The following CDKAL1 variants were observed in gnomAD, a reference collection of about 807,000 sequenced individuals.
CDKAL1 encodes the protein threonylcarbamoyladenosine tRNA methylthiotransferase.
A neutral mutation model predicts 68.2 loss-of-function variants in CDKAL1; 32 were observed. That is an observed-to-expected ratio of 0.47 (90% CI 0.35 to 0.63). The LOEUF is 0.63. Among genes scored for constraint, CDKAL1 ranks in the 30% least tolerant of loss-of-function variants. The probability of loss-of-function intolerance (pLI) is 0.00; values close to 1 mark genes in which losing one functional copy is unlikely to be tolerated. For synonymous variants in CDKAL1, 234 were observed against 244.3 expected (o/e 0.96, Z 0.39); for missense variants, 606 against 696.7 (o/e 0.87, Z 1.47).
At chr6:21,031,387 G>A (rs1356777144) in intron 11 of CDKAL1, among the ~76,000 whole-genome samples, 1 of 151,484 alleles carries the variant, frequency 6.6e-6, no homozygotes, top group Non-Finnish European at 1.5e-5. Flanking sequence ...ATTAGGTCAG[G>A]CCCATCAGGA....
chr6:21,201,107 A>G lies in CDKAL1; in HGVS notation c.1384-3A>G. On this transcript the variant is annotated splice_region_variant and splice_polypyrimidine_tract_variant and intron_variant, in intron 14 of 15. Coordinates refer to ENST00000274695, the MANE Select transcript of CDKAL1 (RefSeq NM_017774.3). Reference sequence around the variant, plus strand: ...TTAAGCCTCTGAAACAAATGTGTTTAAGGTTTTAGTGCCAAAGAACCCTGC... The same window carrying G: ...TTAAGCCTCTGAAACAAATGTGTTTGAGGTTTTAGTGCCAAAGAACCCTGC... The G allele has an allele frequency of 6.2e-7, 1 of 1,603,588 alleles. No homozygotes were observed. The highest frequency in any genetic ancestry group is 8.5e-7 in the Non-Finnish European group (1 of 1,172,142).
chr6:21,173,968 G>A (rs897898539), intron 13 of CDKAL1, among the ~76,000 whole-genome samples: 2 of 152,100 alleles, frequency 1.3e-5, no homozygotes, highest in Non-Finnish European at 2.9e-5. Context: ...GCTACGGAAG[G>A]CTGAGGCAGG....
intron 8 of CDKAL1, among the ~76,000 whole-genome samples, chr6:20,831,592 G>A (rs1488034750): frequency 6.6e-6 from 1 of 152,098 alleles, no homozygotes; most frequent in Non-Finnish European, 1.5e-5. Flanking sequence ...CAGTGACCAT[G>A]ACCTTTTTTT....
At chr6:20,843,543 T>G (rs1778258146) in intron 8 of CDKAL1, among the ~76,000 whole-genome samples, 1 of 152,200 alleles carries the variant, frequency 6.6e-6, no homozygotes, top group South Asian at 2.1e-4. Context: ...ACAAAATTCA[T>G]TTATGTTTCA....
At chr6:20,797,200 A>G (rs921405280) in intron 8 of CDKAL1, among the ~76,000 whole-genome samples, 2 of 152,236 alleles carry the variant, frequency 1.3e-5, no homozygotes, top group Non-Finnish European at 2.9e-5. Flanking sequence ...AGATTAAAAT[A>G]CGGGTAAAAG....
chr6:21,096,524 A>T (rs935454170), intron 12 of CDKAL1, among the ~76,000 whole-genome samples: 3 of 152,266 alleles, frequency 2.0e-5, no homozygotes, highest in Non-Finnish European at 4.4e-5. Context: ...ATAGAACTCC[A>T]GGATACTAAT....
chr6:20,792,753 T>G (rs1775949926), intron 8 of CDKAL1, among the ~76,000 whole-genome samples: 1 of 152,208 alleles, frequency 6.6e-6, no homozygotes, highest in Admixed American at 6.6e-5. Context: ...CAACAGAAAT[T>G]TGCAGAACAT....
chr6:21,106,278 G>C (rs1485206290), intron 12 of CDKAL1, among the ~76,000 whole-genome samples: 3 of 152,218 alleles, frequency 2.0e-5, no homozygotes, highest in Non-Finnish European at 2.9e-5. Context: ...TTGCTGATCT[G>C]TATGTACAAC....
chr6:20,710,185 TAAAA>T, intron 5 of CDKAL1, among the ~76,000 whole-genome samples: 1 of 152,066 alleles, frequency 6.6e-6, no homozygotes, highest in East Asian at 1.9e-4. Context: ...GGCATTTAAA[TAAAA>T]AAAGTAACAA....
At chr6:20,977,953 A>G (rs1421597763) in intron 10 of CDKAL1, among the ~76,000 whole-genome samples, 1 of 152,202 alleles carries the variant, frequency 6.6e-6, no homozygotes, top group East Asian at 1.9e-4. Flanking sequence ...TAATGAATTA[A>G]TCTAATTTAT....
intron 5 of CDKAL1, among the ~76,000 whole-genome samples, chr6:20,691,202 G>A (rs542210146): frequency 2.6e-5 from 4 of 152,224 alleles, no homozygotes; most frequent in Admixed American, 2.6e-4. Context: ...GCTCTTTCCA[G>A]TTTTTCTTCC....
intron 9 of CDKAL1, among the ~76,000 whole-genome samples, chr6:20,878,516 G>C (rs949529402): frequency 1.3e-5 from 2 of 152,114 alleles, no homozygotes; most frequent in Non-Finnish European, 2.9e-5. Flanking sequence ...GAGGCCGGCG[G>C]ATCACTTGAG....
At chr6:20,801,845 A>G (rs529032440) in intron 8 of CDKAL1, among the ~76,000 whole-genome samples, 10 of 152,320 alleles carry the variant, frequency 6.6e-5, no homozygotes, top group Non-Finnish European at 1.3e-4. Context: ...CTTTGTCCCT[A>G]TAGTGATGGA....
chr6:20,894,446 G>A (rs1761572725), intron 9 of CDKAL1, among the ~76,000 whole-genome samples: 1 of 96,022 alleles, frequency 1.0e-5, no homozygotes, highest in East Asian at 2.9e-4. Context: ...ATTTCTTTAT[G>A]TGGCCTCAGG....
chr6:21,052,671 T>C (rs1171767400), intron 11 of CDKAL1, among the ~76,000 whole-genome samples: 1 of 151,618 alleles, frequency 6.6e-6, no homozygotes, highest in Non-Finnish European at 1.5e-5. Flanking sequence ...CCACACCTGG[T>C]CCTTTGTCCA....
chr6:20,951,096 C>T (rs1364419760), intron 9 of CDKAL1, among the ~76,000 whole-genome samples: 1 of 152,144 alleles, frequency 6.6e-6, no homozygotes, highest in Non-Finnish European at 1.5e-5. Flanking sequence ...GTTTCCCTGC[C>T]ATCCAGTGCT....
chr6:20,567,690 C>G lies in CDKAL1; in HGVS notation c.286+18985C>G, dbSNP rs115236182. On this transcript the variant is annotated intron_variant, in intron 4 of 15. Coordinates refer to ENST00000274695, the MANE Select transcript of CDKAL1 (RefSeq NM_017774.3). ...TTGTTGGTGAACTTATTTATCTAGT[C>G]TCAGCTTTTTAATTAATTAATTAAT... Among the ~76,000 whole-genome samples the G allele has an allele frequency of 5.4e-3, 816 of 151,844 alleles. 13 individuals carry two copies. The highest frequency in any genetic ancestry group is 0.018 in the African/African-American group (759 of 41,432).
intron 11 of CDKAL1, among the ~76,000 whole-genome samples, chr6:21,059,225 A>G (rs1378989118): frequency 6.6e-6 from 1 of 152,206 alleles, no homozygotes; most frequent in East Asian, 1.9e-4. Context: ...CATTGTGGGG[A>G]GTTCCTCCTG....
intron 8 of CDKAL1, among the ~76,000 whole-genome samples, chr6:20,812,197 A>T (rs1455494204): frequency 6.6e-6 from 1 of 152,328 alleles, no homozygotes; most frequent in Admixed American, 6.5e-5. Flanking sequence ...TTTATTTAAG[A>T]TATTAAAAAA....
Sources: allele counts gnomAD v4.1 joint callset (sites outside exome capture counted in the v4.1 genomes callset), GRCh38; gene constraint gnomAD v4.1.1; transcripts MANE v1.5; gene names NCBI Gene and HGNC (gene_info 2026-07-23, HGNC 2026-07-21).